The following DCLRE1C variants were observed in gnomAD, a reference collection of about 807,000 sequenced individuals.
DCLRE1C encodes the protein protein artemis.
A neutral mutation model predicts 61.4 loss-of-function variants in DCLRE1C; 47 were observed. That is an observed-to-expected ratio of 0.77 (90% confidence interval 0.61 to 0.98). DCLRE1C has a LOEUF of 0.98. DCLRE1C is among the 50% of genes least tolerant of loss of function. The probability of loss-of-function intolerance (pLI) is 0.00; values close to 1 mark genes in which losing one functional copy is unlikely to be tolerated. For synonymous variants in DCLRE1C, 337 were observed against 287.6 expected (o/e 1.17, Z -1.74); for missense variants, 858 against 816.0 (o/e 1.05, Z -0.63).
rs765379729 is a variant in DCLRE1C at position 14,909,048 on chromosome 10, T to A, written c.1439A>T (p.Gln480Leu). ...CTGGGGTACATCCCCATCAGCCTTT[T>A]GCAGGTGAAGTACAGAGCCCAGATC... is the stretch of plus-strand genomic sequence containing the variant. ...QGDLGSVLHL[Q>L]KADGDVPQWE... Residue 480 changes from glutamine to leucine, a missense_variant, in exon 14 of 14, where the codon CAA (glutamine) becomes CTA (leucine). Transcript: ENST00000378278. 1.1e-5 allele frequency: 17 copies of A among 1,614,096 alleles called. No homozygotes were observed. The highest frequency in any genetic ancestry group is 1.4e-5 in the Non-Finnish European group (17 of 1,180,030).
intron 2 of DCLRE1C, among the ~76,000 whole-genome samples, chr10:14,946,035 T>C (rs1234100152): frequency 7.0e-6 from 1 of 143,856 alleles, no homozygotes; most frequent in African/African-American, 2.7e-5. Context: ...TGAGATGGAG[T>C]CTTGATCTGT....
chr10:14,920,959 G>T (rs1260524745), intron 12 of DCLRE1C, among the ~76,000 whole-genome samples: 2 of 151,844 alleles, frequency 1.3e-5, no homozygotes, highest in Non-Finnish European at 2.9e-5. Context: ...CTCCAGCCTG[G>T]GTGACAGAGC....
chr10:14,909,264 G>A lies in DCLRE1C; in HGVS notation c.1223C>T (p.Pro408Leu), dbSNP rs772982087. 39 of 1,613,658 alleles carry A rather than the reference G, an allele frequency of 2.4e-5. No homozygotes were observed. Among genetic ancestry groups the A allele is most frequent in the Middle Eastern group, 1.7e-4 (1 of 6,042 alleles). ...AAATACCTCAGGGTGAAAAGTTTCCGGGTATGGAACTTTGTGCCTTAAAGG... is the reference window on the plus strand; with the variant it reads ...AAATACCTCAGGGTGAAAAGTTTCCAGGTATGGAACTTTGTGCCTTAAAGG... ...PIPLRHKVPY[P>L]ETFHPEVFSM... is the part of the protein sequence containing the mutation. The change falls in exon 14 of 14, where the codon CCG becomes CTG. Residue 408 changes from proline to leucine, a missense_variant. Pro to Leu is a moderately conservative substitution (Grantham distance 98). Coordinates refer to ENST00000378278, the MANE Select transcript of DCLRE1C (RefSeq NM_001033855.3).
At chr10:14,942,773 C>A (rs922157114) in intron 3 of DCLRE1C, among the ~76,000 whole-genome samples, 1 of 152,112 alleles carries the variant, frequency 6.6e-6, no homozygotes, top group African/African-American at 2.4e-5. Flanking sequence ...CAGGCATGGG[C>A]CTTTTTGTCA....
chr10:14,944,954 T>C, intron 3 of DCLRE1C, 151 bp downstream of exon 3: 1 of 572,924 alleles, frequency 1.7e-6, no homozygotes, highest in Non-Finnish European at 3.1e-6. Flanking sequence ...GGATTATAGG[T>C]GTAAGCCACC....
At chr10:14,945,373 A>G (rs1841517905) in intron 2 of DCLRE1C, 184 bp from the exon 3 acceptor site, 39 of 1,337,142 alleles carry the variant, frequency 2.9e-5, no homozygotes, top group East Asian at 6.6e-5. Flanking sequence ...CTATTTCATC[A>G]TACATCTAAT....
At chr10:14,933,097 G>T in intron 8 of DCLRE1C, 142 bp from the exon 9 acceptor site, 1 of 896,150 alleles carries the variant, frequency 1.1e-6, no homozygotes, top group Non-Finnish European at 1.8e-6. Flanking sequence ...GCTATTCAGT[G>T]CACTCTGGTA....
At chr10:14,897,608 T>A (rs1237880401) in exon 14 of DCLRE1C, 1 of 1,051,488 alleles carries the variant, frequency 9.5e-7, no homozygotes. Flanking sequence ...AGATACTTGG[T>A]ACATTTTGAT....
intron 4 of DCLRE1C, among the ~76,000 whole-genome samples, chr10:14,939,084 CA>C (rs1840450841): frequency 6.6e-6 from 1 of 152,056 alleles, no homozygotes; most frequent in South Asian, 2.1e-4. Flanking sequence ...AAAAGACACC[CA>C]GGGGAGCTTG....
chr10:14,898,872 T>C (rs1023664330), exon 14 of DCLRE1C: 8 of 224,452 alleles, frequency 3.6e-5, no homozygotes, highest in Non-Finnish European at 6.0e-5. Flanking sequence ...ATATATAAGT[T>C]ATAGGAAAAA....
Position 14,945,197 on chromosome 10 carries a change from G to GC in DCLRE1C, c.162-9_162-8insG. On this transcript the variant is annotated splice_polypyrimidine_tract_variant and intron_variant, in intron 2 of 13. Transcript: ENST00000378278. ...TATAGATAAACCTTCAAGCTGAAAG[G>GC]AAAAAAGAAAAAAACTTTCAGTACA... The GC allele has an allele frequency of 1.2e-6, 2 of 1,607,768 alleles. No homozygotes were observed. Among genetic ancestry groups the GC allele is most frequent in the Non-Finnish European group, 1.7e-6 (2 of 1,176,846 alleles).
chr10:14,901,417 A>G (rs1032536312), downstream of DCLRE1C, among the ~76,000 whole-genome samples: 1 of 152,236 alleles, frequency 6.6e-6, no homozygotes, highest in African/African-American at 2.4e-5. Context: ...AGCTAATCCA[A>G]CAGCTAATAC....
At chr10:14,901,748 T>C (rs1141548), downstream of DCLRE1C, among the ~76,000 whole-genome samples, 1 of 151,950 alleles carries the variant, frequency 6.6e-6, no homozygotes, top group East Asian at 1.9e-4. Context: ...GGAGGATGGC[T>C]TGAGACAGGG....
At chr10:14,930,228 C>G (rs1838736702) in intron 9 of DCLRE1C, among the ~76,000 whole-genome samples, 1 of 150,464 alleles carries the variant, frequency 6.6e-6, no homozygotes, top group Non-Finnish European at 1.5e-5. Flanking sequence ...TCTCCCACCT[C>G]AGCTTCGTAA....
At chr10:14,942,558 A>G (rs1358084290) in intron 3 of DCLRE1C, 1 of 152,356 alleles carries the variant, frequency 6.6e-6, no homozygotes, top group African/African-American at 2.4e-5. Context: ...GCACATACAC[A>G]CACGCGAGCA....
chr10:14,897,596 A>G, exon 14 of DCLRE1C: 1 of 1,210,282 alleles, frequency 8.3e-7, no homozygotes, highest in Admixed American at 2.9e-5. Flanking sequence ...TATCTCTTTA[A>G]GAGATACTTG....
At chr10:14,948,556 T>A (rs774415834) in intron 2 of DCLRE1C, among the ~76,000 whole-genome samples, 2 of 152,052 alleles carry the variant, frequency 1.3e-5, no homozygotes, top group Non-Finnish European at 2.9e-5. Flanking sequence ...AATACAAAGT[T>A]AAGTAAAGTA....
rs905211816 is a variant in DCLRE1C at position 14,905,713 on chromosome 10, G to A, written c.*2695C>T. Among the ~76,000 whole-genome samples, 8 of 152,168 alleles carry A rather than the reference G, an allele frequency of 5.3e-5. No homozygotes were observed. The highest frequency in any genetic ancestry group is 1.2e-4 in the Non-Finnish European group (8 of 68,030). The stretch of plus-strand genomic sequence containing the variant: ...GAAACTTCATGTTTCGGCTGGACAC[G>A]GTAGCTGACGCCTGTAATCCCAGCA... On this transcript the variant is annotated 3_prime_UTR_variant, in exon 14 of 14. Transcript: ENST00000378278.
intron 2 of DCLRE1C, 133 bp from the exon 3 acceptor site, chr10:14,945,322 C>G: frequency 7.1e-7 from 1 of 1,401,856 alleles, no homozygotes; most frequent in Non-Finnish European, 9.5e-7. Flanking sequence ...AACCCCATCC[C>G]TAATAAAAAC....
Sources: allele counts gnomAD v4.1 joint callset (sites outside exome capture counted in the v4.1 genomes callset), GRCh38; gene constraint gnomAD v4.1.1; transcripts MANE v1.5; gene names NCBI Gene and HGNC (gene_info 2026-07-23, HGNC 2026-07-21).